PADI2: variants seen among roughly 807,000 people sequenced by gnomAD.
PADI2 encodes the protein peptidyl arginine deiminase 2.
Under a neutral mutation model 81.1 loss-of-function variants are expected in PADI2, and 70 were observed. The ratio of observed to expected loss-of-function variants is 0.86; its 90% confidence interval spans 0.71 to 1.05. The LOEUF (loss-of-function observed/expected upper bound fraction) is 1.05. PADI2 is among the 50% of genes least tolerant of loss of function. PADI2 has a pLI of 0.00. For missense variants in PADI2, 853 were observed against 889.9 expected (o/e 0.96, Z 0.53); for synonymous variants, 338 against 358.0 (o/e 0.94, Z 0.63).
intron 6 of PADI2, among the ~76,000 whole-genome samples, chr1:17,090,486 A>C (rs1254121279): frequency 6.6e-6 from 1 of 152,116 alleles, no homozygotes; most frequent in African/African-American, 2.4e-5. Context: ...ACATTCGCTC[A>C]TCCACAGGGG....
intron 14 of PADI2, among the ~76,000 whole-genome samples, chr1:17,070,710 G>A (rs1024528434): frequency 2.6e-5 from 4 of 151,934 alleles, no homozygotes; most frequent in African/African-American, 4.8e-5. Context: ...TGCCCACGCC[G>A]GAGTGCAGTG....
chr1:17,072,972 G>A (rs1191137893), intron 13 of PADI2, among the ~76,000 whole-genome samples: 2 of 152,138 alleles, frequency 1.3e-5, no homozygotes, highest in African/African-American at 4.8e-5. Flanking sequence ...GTGTTAAATT[G>A]GTCTTGTCTG....
At position 17,101,734 on chromosome 1, in the gene PADI2, G is replaced by C. The variant is rs1931152018; in HGVS notation, c.349+1253C>G. Among the ~76,000 whole-genome samples, 3 of 152,152 alleles carry C rather than the reference G, an allele frequency of 2.0e-5. No individual in the cohort carries two copies. The South Asian group carries it at 6.2e-4, about 31-fold the overall frequency. On this transcript the variant is annotated intron_variant, in intron 3 of 15. Transcript: ENST00000375486. ...CTGGCTCGGGAGTTAGTTGTATCTT[G>C]GGGAGATTCTGAGACCCCCCCTGAG...
chr1:17,107,668 C>T (rs556184919), intron 1 of PADI2, among the ~76,000 whole-genome samples: 35 of 152,316 alleles, frequency 2.3e-4, no homozygotes, highest in African/African-American at 7.2e-4. Context: ...TGGCCAAGGC[C>T]GTGAGCGTGA....
intron 6 of PADI2, among the ~76,000 whole-genome samples, chr1:17,089,711 C>A (rs1387100175): frequency 6.6e-6 from 1 of 152,206 alleles, no homozygotes; most frequent in Non-Finnish European, 1.5e-5. Context: ...AGCCTCCTTA[C>A]CCCGTCCTCC....
chr1:17,119,431 G>A lies in PADI2; in HGVS notation c.-60C>T, dbSNP rs1931870100. ...GGGCGGCCGGGAGCACCTGCAGCAG[G>A]TGCGCCTTCTCCAGCAGCCTGCGCC... On this transcript the variant is annotated 5_prime_UTR_variant, in exon 1 of 16. Transcript: ENST00000375486. The surrounding 1 kb of genome is among the most constrained non-coding windows in gnomAD (Gnocchi z 4.8). The A allele has an allele frequency of 6.1e-6, 8 of 1,310,362 alleles. No individual in the cohort carries two copies. In the African/African-American group the frequency reaches 6.2e-5, roughly 10 times the overall value. 81.2% of individuals were successfully genotyped at this position (1,310,362 alleles called of 1,614,324 possible).
rs943633169 is a variant in PADI2 at position 17,082,513 on chromosome 1, G to C, written c.1158+32C>G. On this transcript the variant is annotated intron_variant, in intron 10 of 15. Coordinates refer to ENST00000375486, the MANE Select transcript of PADI2 (RefSeq NM_007365.3). ...GTCTTATGAGAATCTCCAGGATCATGCTCCACCCGCAAGTGGCCCTCAGCA... is the reference window on the plus strand; with the variant it reads ...GTCTTATGAGAATCTCCAGGATCATCCTCCACCCGCAAGTGGCCCTCAGCA... The C allele has an allele frequency of 9.0e-6, 12 of 1,338,660 alleles. No individual in the cohort carries two copies. The East Asian group carries it at 2.5e-4, about 28-fold the overall frequency. The allele number at this position is 1,338,660 out of a possible 1,614,324, so 82.9% of individuals were successfully genotyped here.
At chr1:17,105,105 G>A (rs1931321829) in intron 1 of PADI2, 44 bp from the exon 2 acceptor site, 1 of 1,388,264 alleles carries the variant, frequency 7.2e-7, no homozygotes, top group Admixed American at 2.3e-5. Flanking sequence ...CCCTGGGGTA[G>A]GTGGGATGAG....
intron 1 of PADI2, among the ~76,000 whole-genome samples, chr1:17,116,413 G>A (rs760669531): frequency 7.2e-5 from 11 of 152,170 alleles, no homozygotes; most frequent in Non-Finnish European, 1.5e-4. Context: ...CAGCACCCCC[G>A]GGCCTTGTTC....
chr1:17,073,082 A>G (rs988893737), intron 13 of PADI2, among the ~76,000 whole-genome samples: 3 of 152,170 alleles, frequency 2.0e-5, no homozygotes, highest in South Asian at 4.1e-4. Context: ...CAGGCATGAG[A>G]TATATTATGG....
At chr1:17,113,366 C>T (rs1049276599) in intron 1 of PADI2, among the ~76,000 whole-genome samples, 2 of 152,150 alleles carry the variant, frequency 1.3e-5, no homozygotes, top group Non-Finnish European at 2.9e-5. Context: ...GCCCACATGA[C>T]CTCAGCCCAT....
At chr1:17,076,921 A>G (rs2078307923) in intron 11 of PADI2, among the ~76,000 whole-genome samples, 1 of 151,960 alleles carries the variant, frequency 6.6e-6, no homozygotes. Context: ...CAATCTCTCC[A>G]TTATCCTCCG....
At chr1:17,118,958 G>C (rs954156895) in intron 1 of PADI2, among the ~76,000 whole-genome samples, 21 of 152,136 alleles carry the variant, frequency 1.4e-4, no homozygotes, top group Non-Finnish European at 4.4e-5. Context: ...CGGCAGGGAA[G>C]CTGAAGGGGT....
At chr1:17,104,026 T>TA (rs1485163617) in intron 2 of PADI2, among the ~76,000 whole-genome samples, 1 of 150,966 alleles carries the variant, frequency 6.6e-6, no homozygotes, top group Admixed American at 6.6e-5. Flanking sequence ...CTCACGCCTG[T>TA]AATCCCAGCA....
chr1:17,105,624 C>T (rs1475894075), intron 1 of PADI2, among the ~76,000 whole-genome samples: 1 of 152,082 alleles, frequency 6.6e-6, no homozygotes, highest in African/African-American at 2.4e-5. Flanking sequence ...GAACTCCCGA[C>T]CTCAGGTGAT....
chr1:17,094,080 G>C (rs1410057710), intron 4 of PADI2, among the ~76,000 whole-genome samples: 2 of 152,146 alleles, frequency 1.3e-5, no homozygotes, highest in South Asian at 2.1e-4. Context: ...TTCCAGACAC[G>C]CTCCTAGTGC....
intron 4 of PADI2, among the ~76,000 whole-genome samples, chr1:17,095,116 A>C (rs1930867065): frequency 6.6e-6 from 1 of 152,270 alleles, no homozygotes; most frequent in South Asian, 2.1e-4. Flanking sequence ...AAAGTCACAT[A>C]TGCCCATGGC....
chr1:17,070,118 G>C lies in PADI2; in HGVS notation c.1734C>G (p.Asp578Glu). ...TTGGGAAGAAGGCTCTGGCACGGTGGTCCTCGTCCATCTTGAACAGAGCGG... is the reference window on the plus strand; with the variant it reads ...TTGGGAAGAAGGCTCTGGCACGGTGCTCCTCGTCCATCTTGAACAGAGCGG... ...DLPALFKMDE[D>E]HRARAFFPNM... Residue 578 changes from aspartate to glutamate, a missense_variant, in exon 15 of 16, where the codon GAC (aspartate) becomes GAG (glutamate). Transcript: ENST00000375486. The C allele has an allele frequency of 6.2e-7, 1 of 1,614,130 alleles. No homozygotes were observed. Among genetic ancestry groups the C allele is most frequent in the Non-Finnish European group, 8.5e-7 (1 of 1,179,998 alleles).
intron 11 of PADI2, among the ~76,000 whole-genome samples, chr1:17,077,446 T>A (rs1482300678): frequency 6.6e-6 from 1 of 152,086 alleles, no homozygotes; most frequent in East Asian, 1.9e-4. Flanking sequence ...GCCCCTGAGC[T>A]CCTCGAGGGG....
Sources: allele counts gnomAD v4.1 joint callset (sites outside exome capture counted in the v4.1 genomes callset), GRCh38; gene constraint gnomAD v4.1.1; non-coding constraint Gnocchi (gnomAD v3.1); transcripts MANE v1.5; gene names NCBI Gene and HGNC (gene_info 2026-07-23, HGNC 2026-07-21).